The following NPIPB15 variants were observed in gnomAD, a reference collection of about 807,000 sequenced individuals.
NPIPB15 encodes the protein nuclear pore complex-interacting protein family member B15.
NPIPB15 carries 5 observed loss-of-function variants against 35.9 expected under a neutral mutation model. That is an observed-to-expected ratio of 0.14 (90% CI 0.07 to 0.29). The LOEUF (loss-of-function observed/expected upper bound fraction) is 0.29. Among genes scored for constraint, NPIPB15 ranks in the 10% least tolerant of loss-of-function variants. The pLI, the probability that NPIPB15 is intolerant of heterozygous loss-of-function variation, is 1.00. For synonymous variants in NPIPB15, 43 were observed against 182.0 expected (o/e 0.24, Z 6.15); for missense variants, 100 against 506.1 (o/e 0.20, Z 7.70).
At chr16:74,386,178 T>C (rs1278195313) in intron 5 of NPIPB15, among the ~76,000 whole-genome samples, 2 of 124,040 alleles carry the variant, frequency 1.6e-5, no homozygotes, top group Non-Finnish European at 1.7e-5. Flanking sequence ...AGAGATGGGG[T>C]TTCACCATGT....
rs1185332306 is a variant in NPIPB15 at position 74,382,941 on chromosome 16, C to G, written c.249+1243C>G. ...TTTTTTTTTTTTCTTTTCTCACCCC[C>G]GAAACGAGTCTCCCTCTGTTGCCCA... On this transcript the variant is annotated intron_variant, in intron 3 of 7. Coordinates refer to ENST00000692376, the MANE Select transcript of NPIPB15 (RefSeq NM_001306094.2). Among the ~76,000 whole-genome samples the G allele has an allele frequency of 9.4e-3, 1,309 of 139,470 alleles. 27 individuals carry two copies. The highest frequency in any genetic ancestry group is 0.035 in the African/African-American group (1,250 of 35,930). 91.5% of individuals were successfully genotyped at this position (139,470 alleles called of 152,430 possible). A position where few individuals can be genotyped will look rare whatever the true frequency, so the allele number is the denominator to read the frequency against.
intron 2 of NPIPB15, among the ~76,000 whole-genome samples, chr16:74,378,746 G>C (rs1280139073): frequency 2.0e-5 from 3 of 151,026 alleles, no homozygotes. Context: ...TACTAACTTT[G>C]GAAAGTACAT....
intron 3 of NPIPB15, among the ~76,000 whole-genome samples, chr16:74,384,668 ATTTTT>A (rs1186582416): frequency 0.011 from 699 of 61,524 alleles, no homozygotes; most frequent in Middle Eastern, 0.026. Context: ...CACCTGGCCT[ATTTTT>A]TTTTTTTTTT....
intron 5 of NPIPB15, chr16:74,388,417 C>A (rs1430288826): frequency 1.1e-6 from 1 of 950,704 alleles, no homozygotes; most frequent in African/African-American, 1.9e-5. Flanking sequence ...ACATAGTGCA[C>A]CTCATAGAAG....
chr16:74,382,844 A>C (rs2012064686), intron 3 of NPIPB15, among the ~76,000 whole-genome samples: 1 of 151,468 alleles, frequency 6.6e-6, no homozygotes. Flanking sequence ...ATCTAGGCAC[A>C]TTTAACATTC....
Position 74,391,755 on chromosome 16 carries a change from T to C in NPIPB15, c.1007T>C (p.Val336Ala). 1 of 1,613,894 alleles carries C rather than the reference T, an allele frequency of 6.2e-7. No individual in the cohort carries two copies. Among genetic ancestry groups the C allele is most frequent in the South Asian group, 1.1e-5 (1 of 91,062 alleles). Residue 336 changes from valine (V) to alanine (A), a missense_variant, in exon 8 of 8, where the codon GTG becomes GCG. Physicochemically the swap from Val to Ala is moderately conservative, Grantham distance 64. Coordinates refer to ENST00000692376, the MANE Select transcript of NPIPB15 (RefSeq NM_001306094.2). Reference protein sequence around the residue: ...PLPPSPLPPSVDDNLKTPPLA... With the variant: ...PLPPSPLPPSADDNLKTPPLA... ...CCACCCTCTCCTCTTCCACCCTCAG[T>C]GGATGATAATCTCAAGACTCCTCCC...
At chr16:74,382,888 G>A (rs1438192258) in intron 3 of NPIPB15, among the ~76,000 whole-genome samples, 1 of 148,640 alleles carries the variant, frequency 6.7e-6, no homozygotes, top group Admixed American at 6.8e-5. Context: ...GAGAATTTTT[G>A]GTATAAATTG....
At chr16:74,386,510 G>C (rs2012291429) in intron 5 of NPIPB15, among the ~76,000 whole-genome samples, 1 of 125,962 alleles carries the variant, frequency 7.9e-6, no homozygotes, top group Non-Finnish European at 1.6e-5. Context: ...CCAGGCTAGA[G>C]TGCAGTGGCA....
chr16:74,384,994 TGTGTGTGTGTGTGTGTGTG>T (rs2012191977), intron 3 of NPIPB15, among the ~76,000 whole-genome samples: 2 of 24,274 alleles, frequency 8.2e-5, no homozygotes, highest in Non-Finnish European at 1.3e-4. Flanking sequence ...GTCATTCTTG[TGTGTGTGTGTGTGTGTGTG>T]TGTGTGTGTG....
chr16:74,391,092 TACTCTGTTATG>T (rs1228983793), intron 7 of NPIPB15: 1 of 949,246 alleles, frequency 1.1e-6, no homozygotes, highest in Admixed American at 6.3e-5. Flanking sequence ...GCCTCTTTAT[TACTCTGTTATG>T]ACTCTGTCTT....
At position 74,391,574 on chromosome 16, in the gene NPIPB15, C is replaced by A. The variant is rs778010782; in HGVS notation, c.826C>A (p.Pro276Thr). Residue 276 changes from proline (P) to threonine (T), a missense_variant, in exon 8 of 8, where the codon CCC becomes ACC. Coordinates refer to ENST00000692376, the MANE Select transcript of NPIPB15 (RefSeq NM_001306094.2). ...CGAATGTCTCCTTCATCCCCTTCCA[C>A]CCTCAGTGGATGATAATATCAAGGA... ...PPECLLHPLP[P>T]SVDDNIKECP... 1 of 1,610,140 alleles carries A rather than the reference C, an allele frequency of 6.2e-7. No individual in the cohort carries two copies. Among genetic ancestry groups the A allele is most frequent in the Non-Finnish European group, 8.5e-7 (1 of 1,176,690 alleles).
intron 3 of NPIPB15, among the ~76,000 whole-genome samples, chr16:74,384,085 G>C (rs1426681436): frequency 5.5e-5 from 7 of 126,450 alleles, no homozygotes; most frequent in South Asian, 6.5e-4. Context: ...TCAGTCATTA[G>C]TGAGAATGTT....
At position 74,376,319 on chromosome 16, in the gene NPIPB15, G is replaced by A. The variant is rs2011663642; in HGVS notation, c.-1050G>A. On this transcript the variant is annotated 5_prime_UTR_variant, in exon 1 of 8. Transcript: ENST00000692376. Reference sequence around the variant, plus strand: ...TTTCAGCTGCCAGAGGCCTGAGTGAGTTTGGGCACACTCTGTGTGATCGGG... The same window carrying A: ...TTTCAGCTGCCAGAGGCCTGAGTGAATTTGGGCACACTCTGTGTGATCGGG... Among the ~76,000 whole-genome samples, 1 of 151,414 alleles carries A rather than the reference G, an allele frequency of 6.6e-6. No homozygotes were observed. The highest frequency in any genetic ancestry group is 2.1e-4 in the South Asian group (1 of 4,812).
chr16:74,390,869 A>G (rs1441235715), intron 7 of NPIPB15: 1 of 826,524 alleles, frequency 1.2e-6, no homozygotes, highest in Non-Finnish European at 1.4e-6. Flanking sequence ...GGGTGGTCAC[A>G]CTGACCTTGC....
rs1245822333 is a variant in NPIPB15, at chr16:74,376,408, T to A, written c.-961T>A. ...GGAAAGGTGATGGACAGTGGGGGTC[T>A]GTCCTGGTCACCAGACCCCTGGGTC... On this transcript the variant is annotated 5_prime_UTR_variant, in exon 1 of 8. Coordinates refer to ENST00000692376, the MANE Select transcript of NPIPB15 (RefSeq NM_001306094.2). 1.9e-4 allele frequency among the ~76,000 whole-genome samples: 29 copies of A among 151,328 alleles called. No homozygotes were observed. The highest frequency in any genetic ancestry group is 7.4e-5 in the Non-Finnish European group (5 of 67,922).
At chr16:74,390,615 G>C (rs2012490398) in intron 7 of NPIPB15, 3 of 653,040 alleles carry the variant, frequency 4.6e-6, no homozygotes, top group Non-Finnish European at 3.5e-6. Context: ...TGTTCTGTCA[G>C]AAAACCCTCT....
chr16:74,384,668 A>T (rs7191982), intron 3 of NPIPB15, among the ~76,000 whole-genome samples: 84 of 61,530 alleles, frequency 1.4e-3, no homozygotes, highest in African/African-American at 3.3e-3. Flanking sequence ...CACCTGGCCT[A>T]TTTTTTTTTT....
chr16:74,384,668 ATTTTTTTT>A (rs1186582416), intron 3 of NPIPB15, among the ~76,000 whole-genome samples: 8,946 of 60,890 alleles, frequency 0.15, 190 homozygotes, highest in African/African-American at 0.17. Context: ...CACCTGGCCT[ATTTTTTTT>A]TTTTTTTTTT....
intron 2 of NPIPB15, among the ~76,000 whole-genome samples, chr16:74,380,837 CAAACAA>C (rs777673598): frequency 0.087 from 12,682 of 145,934 alleles, 356 homozygotes; most frequent in East Asian, 0.11. Context: ...AACAAAACAC[CAAACAA>C]AAACAAAAAC....
Sources: gnomAD v4.1 joint callset for allele counts (sites outside exome capture counted in the v4.1 genomes callset) on GRCh38, gnomAD v4.1.1 for gene constraint, MANE v1.5 for transcripts, NCBI Gene and HGNC (gene_info 2026-07-23, HGNC 2026-07-21) for gene names.